The following KMT2D variants were observed in gnomAD, a reference collection of about 807,000 sequenced individuals.
KMT2D encodes the protein histone-lysine N-methyltransferase 2D.
A neutral mutation model predicts 512.7 loss-of-function variants in KMT2D; 55 were observed. The observed-to-expected ratio is 0.11, with a 90% CI of 0.09 to 0.13. The LOEUF is 0.13. KMT2D is among the 10% of genes least tolerant of loss of function. KMT2D has a pLI of 1.00. For synonymous variants in KMT2D, 2,995 were observed against 2,904.0 expected, an observed-to-expected ratio of 1.03 and a Z score of -1.01; for missense variants, 6,061 against 7,127.9, an observed-to-expected ratio of 0.85 and a Z score of 5.39.
rs1360040004 is a variant in KMT2D, at chr12:49,051,306, C to T, written c.2377G>A (p.Glu793Lys). ...GGCTGAGGGGACAGATGTGGTCCCT[C>T]AGCCTGGGGGGACAAGTGTGGCTCC... ...PEEPHLSPQA[E>K]GPHLSPQPEE... is the part of the protein sequence containing the mutation. Residue 793 changes from glutamate to lysine, a missense_variant, in exon 11 of 55, where the codon GAG becomes AAG. Glu to Lys is a moderately conservative substitution (Grantham distance 56). Transcript: ENST00000301067. The T allele has an allele frequency of 1.3e-6, 2 of 1,581,272 alleles. No individual in the cohort carries two copies. Among genetic ancestry groups the T allele is most frequent in the Non-Finnish European group, 1.7e-6 (2 of 1,160,990 alleles).
rs1044708169 is a variant in KMT2D, at chr12:49,030,676, C to T, written c.13764G>A (p.Gln4588=). The T allele has an allele frequency of 1.2e-6, 2 of 1,613,324 alleles. No homozygotes were observed. Among genetic ancestry groups the T allele is most frequent in the African/African-American group, 1.3e-5 (1 of 75,072 alleles). The change falls in exon 42 of 55, where the codon CAG becomes CAA. Residue 4588 remains glutamine, a synonymous_variant. Coordinates refer to ENST00000301067, the MANE Select transcript of KMT2D (RefSeq NM_003482.4). ...PFGSGCPVNG[Q]SQLRGAFGSG... is the part of the protein sequence containing the mutation. Reference sequence around the variant, plus strand: ...TTCCAAAGGCCCCCCTCAGCTGGCTCTGCCCATTGACTGGGCAGCCACTGC... The same window carrying T: ...TTCCAAAGGCCCCCCTCAGCTGGCTTTGCCCATTGACTGGGCAGCCACTGC...
At chr12:49,049,640 G>A (rs1937801731) in intron 12 of KMT2D, 42 bp downstream of exon 12, 1 of 1,527,392 alleles carries the variant, frequency 6.5e-7, no homozygotes, top group Non-Finnish European at 8.8e-7. Context: ...CTCTGACAGT[G>A]GGCTAACTCT....
At chr12:49,045,106 C>T in intron 19 of KMT2D, 141 bp from the exon 20 acceptor site, 1 of 741,820 alleles carries the variant, frequency 1.3e-6, no homozygotes, top group Non-Finnish European at 2.2e-6. Flanking sequence ...GGAGAACAGG[C>T]CACCAAGGGG....
rs1480605988 is a variant in KMT2D, at chr12:49,031,254, C to T, written c.13451G>A (p.Arg4484Gln). 5.0e-6 allele frequency: 8 copies of T among 1,613,022 alleles called. No homozygotes were observed. Among genetic ancestry groups the T allele is most frequent in the African/African-American group, 1.3e-5 (1 of 74,902 alleles). ...GTCAATGTGCCCGTTGATCTCAGCT[C>T]GCAGCCCCTCGGACCCCCGCCCAGT... ...LSTGRGSEGL[R>Q]AEINGHIDSK... is the part of the protein sequence containing the mutation. The change falls in exon 40 of 55, where the codon CGA becomes CAA. Residue 4484 changes from arginine (R) to glutamine (Q), a missense_variant. Physicochemically the swap from Arg to Gln is conservative, Grantham distance 43. Coordinates refer to ENST00000301067, the MANE Select transcript of KMT2D (RefSeq NM_003482.4).
rs945120780 is a variant in KMT2D at position 49,038,628 on chromosome 12, T to C, written c.8728A>G (p.Ser2910Gly). 1 of 1,612,900 alleles carries C rather than the reference T, an allele frequency of 6.2e-7. No individual in the cohort carries two copies. Among genetic ancestry groups the C allele is most frequent in the African/African-American group, 1.3e-5 (1 of 74,866 alleles). ...GGAGCCAGTCGGTGGGGGTCCTCAC[T>C]TACAGGGTAAAAACGGGGTCTCTGA... ...PPQRPRFYPV[S>G]EDPHRLAPEG... Residue 2910 changes from serine to glycine, a missense_variant, in exon 35 of 55, where the codon AGT becomes GGT. Ser to Gly is a moderately conservative substitution (Grantham distance 56, BLOSUM62 0). Around this residue, in one of 16 missense-constraint regions of KMT2D, gnomAD observed 527 missense variants for 578.9 expected, o/e 0.91. Transcript: ENST00000301067. The surrounding 1 kb of genome is among the most constrained non-coding windows in gnomAD (Gnocchi z 5.7).
At position 49,034,886 on chromosome 12, in the gene KMT2D, G is replaced by C. The variant is rs143953984; in HGVS notation, c.10281C>G (p.Ala3427=). Residue 3427 remains alanine (A), a synonymous_variant, in exon 36 of 55, where the codon GCC becomes GCG. Transcript: ENST00000301067. The part of the protein sequence containing the change: ...AEDIIDPIAK[A]KMVALKGIKK... The stretch of plus-strand genomic sequence containing the variant: ...TGATGCCTTTCAAAGCCACCATCTT[G>C]GCCTTTGCAATGGGATCAATGATAT... The C allele has an allele frequency of 3.1e-6, 5 of 1,613,958 alleles. No homozygotes were observed. In the African/African-American group the frequency reaches 6.7e-5, roughly 22 times the overall value.
rs1943384700 is a variant in KMT2D at position 49,039,518 on chromosome 12, G to A, written c.8146C>T (p.Pro2716Ser). 1 of 1,612,254 alleles carries A rather than the reference G, an allele frequency of 6.2e-7. No individual in the cohort carries two copies. The highest frequency in any genetic ancestry group is 8.5e-7 in the Non-Finnish European group (1 of 1,179,340). The part of the protein sequence containing the change: ...TAAAAAGAVG[P>S]PGSWGAEPSS... ...GGCTCAGCACCCCAGCTGCCTGGAG[G>A]CCCCACTGCTCCTGCAGCTGCTGCA... Residue 2716 changes from proline to serine, a missense_variant, in exon 33 of 55, where the codon CCT becomes TCT. By Grantham distance (74) the Pro-to-Ser change is moderately conservative. This residue lies in a region of KMT2D where 527 missense variants were observed against 578.9 expected (regional missense o/e 0.91). Coordinates refer to ENST00000301067, the MANE Select transcript of KMT2D (RefSeq NM_003482.4). This position sits in a 1 kb window ranked among gnomAD's most constrained non-coding sequence, Gnocchi z 5.0.
chr12:49,033,542 C>T lies in KMT2D; in HGVS notation c.11163G>A (p.Leu3721=), dbSNP rs747130189. Reference sequence around the variant, plus strand: ...GCTGCATACGTTGCTGCTGCAGCTGCAGCTGCCTTTCCTGTAAAAGCCTTG... The same window carrying T: ...GCTGCATACGTTGCTGCTGCAGCTGTAGCTGCCTTTCCTGTAAAAGCCTTG... The part of the protein sequence containing the change: ...PDSRLLQERQ[L]QLQQQRMQLA... The change falls in exon 40 of 55, where the codon CTG becomes CTA. Residue 3721 remains leucine, a synonymous_variant. Coordinates refer to ENST00000301067, the MANE Select transcript of KMT2D (RefSeq NM_003482.4). 1.9e-6 allele frequency: 3 copies of T among 1,613,588 alleles called. No individual in the cohort carries two copies. Among genetic ancestry groups the T allele is most frequent in the Non-Finnish European group, 2.5e-6 (3 of 1,179,824 alleles).
chr12:49,048,887 C>T, intron 13 of KMT2D, 118 bp from the exon 14 acceptor site: 1 of 753,750 alleles, frequency 1.3e-6, no homozygotes, highest in Non-Finnish European at 2.2e-6. Context: ...AGGCCAAAAG[C>T]CAGGAATAAC....
At position 49,026,566 on chromosome 12, in the gene KMT2D, G is replaced by A. The variant is rs1389775606; in HGVS notation, c.15400C>T (p.Pro5134Ser). 6.2e-7 allele frequency: 1 copy of A among 1,613,890 alleles called. No homozygotes were observed. Among genetic ancestry groups the A allele is most frequent in the Non-Finnish European group, 8.5e-7 (1 of 1,179,910 alleles). The change falls in exon 49 of 55, where the codon CCA becomes TCA. Residue 5134 changes from proline to serine, a missense_variant. Pro to Ser is a moderately conservative substitution (Grantham distance 74, BLOSUM62 -1). Coordinates refer to ENST00000301067, the MANE Select transcript of KMT2D (RefSeq NM_003482.4). The surrounding 1 kb of genome is among the most constrained non-coding windows in gnomAD (Gnocchi z 9.6). ...CAGGGCCCCTTGATCTTATGCATTG[G>A]ACACAGCATGGTCTTGTCCTTGAAG... ...MFFKDKTMLC[P>S]MHKIKGPCEQ... is the part of the protein sequence containing the mutation.
intron 15 of KMT2D, 127 bp downstream of exon 15, chr12:49,047,838 C>T: frequency 1.5e-6 from 1 of 649,828 alleles, no homozygotes; most frequent in East Asian, 2.8e-5. Flanking sequence ...GTTTGATAAC[C>T]ACTGGTGACT....
At position 49,044,237 on chromosome 12, in the gene KMT2D, C is replaced by T. The variant is rs1418726225; in HGVS notation, c.5151G>A (p.Gln1717=). The T allele has an allele frequency of 1.2e-6, 2 of 1,612,352 alleles. No individual in the cohort carries two copies. Among genetic ancestry groups the T allele is most frequent in the African/African-American group, 2.7e-5 (2 of 74,866 alleles). The stretch of plus-strand genomic sequence containing the variant: ...GCCCATCCCCACTCAACACCTCCGC[C>T]TGTGCAGCAGGCCCCTTTTTCGTGC... ...HTRTKKGPAA[Q]AEVLSGDGQP... is the part of the protein sequence containing the mutation. The change falls in exon 22 of 55, where the codon CAG becomes CAA. Residue 1717 remains glutamine, a synonymous_variant. Transcript: ENST00000301067. This position sits in a 1 kb window ranked among gnomAD's most constrained non-coding sequence, Gnocchi z 6.4.
At position 49,054,290 on chromosome 12, in the gene KMT2D, C is replaced by T. The variant is rs2120706837; in HGVS notation, c.510+17G>A. ...AGCCCTGCCCTTCACCTATGCAATCCCCTGGCCCAGCCCCACCTGTGAGAT... is the reference window on the plus strand; with the variant it reads ...AGCCCTGCCCTTCACCTATGCAATCTCCTGGCCCAGCCCCACCTGTGAGAT... On this transcript the variant is annotated intron_variant, in intron 5 of 54. Coordinates refer to ENST00000301067, the MANE Select transcript of KMT2D (RefSeq NM_003482.4). This position sits in a 1 kb window ranked among gnomAD's most constrained non-coding sequence, Gnocchi z 6.4. 1.3e-6 allele frequency: 2 copies of T among 1,571,554 alleles called. No individual in the cohort carries two copies. Among genetic ancestry groups the T allele is most frequent in the Non-Finnish European group, 1.7e-6 (2 of 1,157,910 alleles).
At position 49,060,664 on chromosome 12, in the gene KMT2D, C is replaced by T. The variant is rs1037545079; in HGVS notation, c.-1089G>A. 2.6e-5 allele frequency among the ~76,000 whole-genome samples: 4 copies of T among 152,236 alleles called. No homozygotes were observed. The highest frequency in any genetic ancestry group is 5.9e-5 in the Non-Finnish European group (4 of 68,046). On this transcript the variant is annotated 5_prime_UTR_variant, in exon 1 of 55. Transcript: ENST00000301067. ...AAGGGGCTATTTCCTGGCCCAAGAGCTGGGCAGCGGTCGTGAAGATTCGTG... is the reference window on the plus strand; with the variant it reads ...AAGGGGCTATTTCCTGGCCCAAGAGTTGGGCAGCGGTCGTGAAGATTCGTG...
In KMT2D at chr12:49,039,353, C is replaced by G. The variant is rs544472113; in HGVS notation, c.8235G>C (p.Lys2745Asn). The part of the protein sequence containing the change: ...GQTPFAGTQD[K>N]SSLVGLPPSK... Reference sequence around the variant, plus strand: ...TTGGGGGCAACCCCACAAGGCTGCTCTTGTCCTAGAAGAGACAAGGTAGAT... The same window carrying G: ...TTGGGGGCAACCCCACAAGGCTGCTGTTGTCCTAGAAGAGACAAGGTAGAT... The change falls in exon 34 of 55, where the codon AAG becomes AAC. Residue 2745 changes from lysine (K) to asparagine (N), a missense_variant. Physicochemically the swap from Lys to Asn is moderately conservative, Grantham distance 94. Coordinates refer to ENST00000301067, the MANE Select transcript of KMT2D (RefSeq NM_003482.4). The surrounding 1 kb of genome is among the most constrained non-coding windows in gnomAD (Gnocchi z 5.0). 3 of 1,612,938 alleles carry G rather than the reference C, an allele frequency of 1.9e-6. No individual in the cohort carries two copies. Among genetic ancestry groups the G allele is most frequent in the Non-Finnish European group, 2.5e-6 (3 of 1,179,434 alleles).
At position 49,040,912 on chromosome 12, in the gene KMT2D, C is replaced by G. The variant is rs1198374406; in HGVS notation, c.6858G>C (p.Glu2286Asp). The G allele has an allele frequency of 6.2e-7, 1 of 1,613,836 alleles. No individual in the cohort carries two copies. Among genetic ancestry groups the G allele is most frequent in the Non-Finnish European group, 8.5e-7 (1 of 1,179,782 alleles). Residue 2286 changes from glutamate to aspartate, a missense_variant, in exon 32 of 55, where the codon GAG (glutamate) becomes GAC (aspartate). By Grantham distance (45) the Glu-to-Asp change is conservative (BLOSUM62 2). This residue lies in a region of KMT2D where 710 missense variants were observed against 647.3 expected (regional missense o/e 1.10). Coordinates refer to ENST00000301067, the MANE Select transcript of KMT2D (RefSeq NM_003482.4). ...PPFGESRKAL[E>D]VKKEELGASS... ...ATGCCCCAAGCTCTTCCTTCTTCAC[C>G]TCTAGGGCCTTCCGGGACTCCCCAA...
At chr12:49,029,581 T>C in intron 43 of KMT2D, 105 bp from the exon 44 acceptor site, 1 of 797,052 alleles carries the variant, frequency 1.3e-6, no homozygotes. Flanking sequence ...TCAGCTATCA[T>C]GATTAGCTGT....
Position 49,041,761 on chromosome 12 carries a change from C to T in KMT2D, c.6184-56G>A. On this transcript the variant is annotated intron_variant, in intron 30 of 54. Transcript: ENST00000301067. The surrounding 1 kb of genome is among the most constrained non-coding windows in gnomAD (Gnocchi z 5.4). ...TAGTGCTTGGTCTCATGCCCCGCCC[C>T]CATACTGTAGTGTTTTCACACTCCC... 6.4e-7 allele frequency: 1 copy of T among 1,567,308 alleles called. No individual in the cohort carries two copies. Among genetic ancestry groups the T allele is most frequent in the Non-Finnish European group, 8.7e-7 (1 of 1,152,538 alleles).
At position 49,037,596 on chromosome 12, in the gene KMT2D, C is replaced by G. The variant is rs2120482462; in HGVS notation, c.9760G>C (p.Glu3254Gln). 3 of 1,556,634 alleles carry G rather than the reference C, an allele frequency of 1.9e-6. No individual in the cohort carries two copies. Among genetic ancestry groups the G allele is most frequent in the Non-Finnish European group, 2.6e-6 (3 of 1,149,924 alleles). The change falls in exon 35 of 55, where the codon GAG (glutamate) becomes CAG (glutamine). Residue 3254 changes from glutamate to glutamine, a missense_variant. Coordinates refer to ENST00000301067, the MANE Select transcript of KMT2D (RefSeq NM_003482.4). ...ELPLLIEDLL[E>Q]HEKKELQKKQ... ...TTCTGCAGCTCCTTCTTCTCATGCT[C>G]CAACAGGTCCTCAATGAGCAGGGGT...
Sources: gnomAD v4.1 joint callset for allele counts (sites outside exome capture counted in the v4.1 genomes callset) on GRCh38, gnomAD v4.1.1 for gene constraint, gnomAD v4.1.1 regional missense constraint, Gnocchi (gnomAD v3.1) non-coding constraint, MANE v1.5 for transcripts, NCBI Gene and HGNC (gene_info 2026-07-23, HGNC 2026-07-21) for gene names.